Variants in AKAP13 observed in about 807,000 individuals in gnomAD.
AKAP13 encodes A-kinase anchor protein 13.
Under a neutral mutation model 264.5 loss-of-function variants are expected in AKAP13, and 80 were observed. The observed-to-expected ratio is 0.30, with a 90% CI of 0.25 to 0.36. AKAP13 has a LOEUF of 0.36. Ranked by LOEUF, AKAP13 falls within the 10% of genes least tolerant of loss-of-function variation. The pLI is 1.00. For synonymous variants in AKAP13, 1,380 were observed against 1,250.2 expected (o/e 1.10, Z -2.19); for missense variants, 3,712 against 3,435.2 (o/e 1.08, Z -2.01).
At chr15:85,490,938 G>C (rs937667838) in intron 2 of AKAP13, among the ~76,000 whole-genome samples, 1 of 152,084 alleles carries the variant, frequency 6.6e-6, no homozygotes, top group Non-Finnish European at 1.5e-5. Context: ...GCCTTTGAGG[G>C]GCATGTCATT....
At chr15:85,693,592 A>T in intron 17 of AKAP13, 141 bp downstream of exon 17, 1 of 1,394,918 alleles carries the variant, frequency 7.2e-7, no homozygotes, top group Non-Finnish European at 9.4e-7. Flanking sequence ...TTTAGACATG[A>T]TAAAAGAAAG....
At chr15:85,399,516 A>AAAATAAT (rs1567038596) in intron 1 of AKAP13, among the ~76,000 whole-genome samples, 3 of 135,306 alleles carry the variant, frequency 2.2e-5, no homozygotes, top group East Asian at 4.1e-4. Flanking sequence ...AAAAAAAAAA[A>AAAATAAT]AAAAAATAAA....
chr15:85,383,034 G>T (rs4843057), intron 1 of AKAP13, among the ~76,000 whole-genome samples: 38,721 of 152,000 alleles, frequency 0.25, 6,592 homozygotes, highest in Non-Finnish European at 0.38. Flanking sequence ...TTCCAATTTA[G>T]AAATCAGCCC....
Position 85,656,883 on chromosome 15 carries a change from C to T in AKAP13, c.4745+1096C>T, listed in dbSNP as rs146625606. On this transcript the variant is annotated intron_variant, in intron 11 of 36. Transcript: ENST00000394518. ...AAAGCTACTTTGCTAATAAGTAAAA[C>T]AGATAAGGGATGAGGCTGACAGTTG... Among the ~76,000 whole-genome samples the T allele has an allele frequency of 1.1e-3, 171 of 152,244 alleles. 1 individual carries two copies. The highest frequency in any genetic ancestry group is 3.8e-3 in the African/African-American group (157 of 41,540).
intron 2 of AKAP13, among the ~76,000 whole-genome samples, chr15:85,503,190 T>C (rs1400699335): frequency 6.6e-6 from 1 of 152,234 alleles, no homozygotes; most frequent in Non-Finnish European, 1.5e-5. Flanking sequence ...AGTAAGCATT[T>C]GATACAAGAG....
In AKAP13 at chr15:85,749,100, C is replaced by G. The variant is rs1260469629; in HGVS notation, c.*4423C>G. ...TGCTCTCATTGCTTGTTTGCAAATG[C>G]TCTATGGACATTTGTGTGCTAAATC... On this transcript the variant is annotated 3_prime_UTR_variant, in exon 37 of 37. Coordinates refer to ENST00000394518, the MANE Select transcript of AKAP13 (RefSeq NM_007200.5). 3.3e-5 allele frequency: 5 copies of G among 152,226 alleles called. No individual in the cohort carries two copies. In the East Asian group the frequency reaches 9.6e-4, roughly 29 times the overall value. The allele number at this position is 152,226 out of a possible 1,614,324, so 9.4% of individuals were successfully genotyped here.
chr15:85,682,836 T>C (rs2084670985), intron 15 of AKAP13, among the ~76,000 whole-genome samples: 1 of 152,188 alleles, frequency 6.6e-6, no homozygotes, highest in Admixed American at 6.5e-5. Flanking sequence ...CCCAGCTAAT[T>C]TTGTATTTTT....
Position 85,741,127 on chromosome 15 carries a change from C to G in AKAP13, c.7690C>G (p.Arg2564Gly). The G allele has an allele frequency of 1.2e-6, 2 of 1,613,600 alleles. No homozygotes were observed. The highest frequency in any genetic ancestry group is 1.7e-6 in the Non-Finnish European group (2 of 1,179,840). ...GAGGGCGCTCACTCGCAGCTTGTCCCGCCCGAGCTCCCTCATTGAGCAGGA... is the reference window on the plus strand; with the variant it reads ...GAGGGCGCTCACTCGCAGCTTGTCCGGCCCGAGCTCCCTCATTGAGCAGGA... ...SERALTRSLS[R>G]PSSLIEQEKQ... The change falls in exon 35 of 37, where the codon CGC becomes GGC. Residue 2564 changes from arginine to glycine, a missense_variant. Transcript: ENST00000394518.
chr15:85,714,707 G>A (rs338529), intron 19 of AKAP13, among the ~76,000 whole-genome samples: 12,437 of 152,246 alleles, frequency 0.082, 790 homozygotes, highest in East Asian at 0.34. Flanking sequence ...AGTGGCTCAC[G>A]CCTGTAATCC....
intron 7 of AKAP13, chr15:85,582,980 G>A (rs927216394): frequency 5.7e-5 from 56 of 985,424 alleles, no homozygotes; most frequent in East Asian, 2.3e-4. Flanking sequence ...CTATTGCTCC[G>A]TGGAAATAAA....
At chr15:85,695,277 G>A (rs930388237) in intron 17 of AKAP13, among the ~76,000 whole-genome samples, 5 of 152,148 alleles carry the variant, frequency 3.3e-5, no homozygotes, top group Non-Finnish European at 5.9e-5. Context: ...TGTGACACGT[G>A]CCTGTAACCT....
chr15:85,719,120 A>G lies in AKAP13; in HGVS notation c.6046A>G (p.Met2016Val). The G allele has an allele frequency of 6.2e-7, 1 of 1,614,146 alleles. No homozygotes were observed. Among genetic ancestry groups the G allele is most frequent in the African/African-American group, 1.3e-5 (1 of 75,024 alleles). ...EFHHVRTLKI[M>V]SGVYSQGMMA... The stretch of plus-strand genomic sequence containing the variant: ...TCATCATGTCCGCACTCTCAAGATC[A>G]TGAGTGGTGTGTACAGCCAGGGGAT... Residue 2016 changes from methionine to valine, a missense_variant, in exon 23 of 37, where the codon ATG becomes GTG. Physicochemically the swap from Met to Val is conservative, Grantham distance 21. Transcript: ENST00000394518.
chr15:85,664,428 C>T, intron 12 of AKAP13, 135 bp from the exon 13 acceptor site: 1 of 794,538 alleles, frequency 1.3e-6, no homozygotes, highest in Admixed American at 2.6e-5. Context: ...TTGTGCCATG[C>T]CCTTTTAGAC....
At chr15:85,721,173 TCA>T (rs1164666795) in intron 23 of AKAP13, among the ~76,000 whole-genome samples, 1 of 152,228 alleles carries the variant, frequency 6.6e-6, no homozygotes, top group Non-Finnish European at 1.5e-5. Flanking sequence ...GTGCTAGAAT[TCA>T]CAGTTTAACT....
chr15:85,499,033 G>A (rs2075967991), intron 2 of AKAP13, among the ~76,000 whole-genome samples: 1 of 152,154 alleles, frequency 6.6e-6, no homozygotes, highest in African/African-American at 2.4e-5. Context: ...TTTCAACACG[G>A]CTGACTGTGT....
At chr15:85,695,243 A>G (rs1332229945) in intron 17 of AKAP13, among the ~76,000 whole-genome samples, 1 of 152,210 alleles carries the variant, frequency 6.6e-6, no homozygotes, top group East Asian at 1.9e-4. Context: ...CGTCTCTACT[A>G]AAAATACAAA....
chr15:85,659,345 G>A (rs944148113), intron 12 of AKAP13, among the ~76,000 whole-genome samples: 1 of 152,172 alleles, frequency 6.6e-6, no homozygotes, highest in Non-Finnish European at 1.5e-5. Flanking sequence ...AGTTTCTCAG[G>A]AGGCATTTGT....
chr15:85,386,620 A>G (rs1229742467), intron 1 of AKAP13, among the ~76,000 whole-genome samples: 2 of 152,074 alleles, frequency 1.3e-5, no homozygotes, highest in African/African-American at 4.8e-5. Flanking sequence ...AAAATTTTAT[A>G]TTTACATTTA....
intron 2 of AKAP13, among the ~76,000 whole-genome samples, chr15:85,520,915 A>G (rs1596408130): frequency 1.3e-5 from 2 of 152,246 alleles, no homozygotes; most frequent in Non-Finnish European, 2.9e-5. Flanking sequence ...TTTGCACTCT[A>G]CCCTTTCCAG....
Sources: gnomAD v4.1 joint callset for allele counts (sites outside exome capture counted in the v4.1 genomes callset) on GRCh38, gnomAD v4.1.1 for gene constraint, MANE v1.5 for transcripts, NCBI Gene and HGNC (gene_info 2026-07-23, HGNC 2026-07-21) for gene names.